Variants in SBK1 observed in about 807,000 individuals in gnomAD.
SBK1 encodes serine/threonine-protein kinase SBK1.
Under a neutral mutation model 24.4 loss-of-function variants are expected in SBK1, and 11 were observed. That is an observed-to-expected ratio of 0.45 (90% CI 0.28 to 0.75). The LOEUF is 0.75. SBK1 is among the 30% of genes least tolerant of loss of function. SBK1 has a pLI of 0.12. For missense variants in SBK1, 467 were observed against 620.5 expected (o/e 0.75, Z 2.63); for synonymous variants, 308 against 284.4 (o/e 1.08, Z -0.83).
chr16:28,261,285 G>A (rs866325280), intron 1 of SBK1, among the ~76,000 whole-genome samples: 6 of 152,178 alleles, frequency 3.9e-5, no homozygotes, highest in East Asian at 3.8e-4. Flanking sequence ...ATGAATGAAC[G>A]AATATGACAT....
intron 1 of SBK1, among the ~76,000 whole-genome samples, chr16:28,272,437 T>TC (rs1303575326): frequency 2.0e-5 from 3 of 151,948 alleles, no homozygotes; most frequent in South Asian, 2.1e-4. Flanking sequence ...GATGAGCTAT[T>TC]CCCCAATTTC....
intron 1 of SBK1, among the ~76,000 whole-genome samples, chr16:28,305,098 G>C (rs561441818): frequency 2.0e-5 from 3 of 152,120 alleles, no homozygotes; most frequent in Admixed American, 2.0e-4. Flanking sequence ...TTACTTCTCT[G>C]TAAGGCAAGG....
chr16:28,281,658 G>T (rs2044533938), intron 1 of SBK1, among the ~76,000 whole-genome samples: 1 of 152,228 alleles, frequency 6.6e-6, no homozygotes, highest in Non-Finnish European at 1.5e-5. Flanking sequence ...GCCTCAGCCT[G>T]TCTGTGTCCC....
At chr16:28,284,519 A>G (rs185677509) in intron 1 of SBK1, among the ~76,000 whole-genome samples, 328 of 152,366 alleles carry the variant, frequency 2.2e-3, no homozygotes, top group South Asian at 0.011. Context: ...CAGCACCCAG[A>G]GCCATCGTGA....
upstream of SBK1, chr16:28,291,037 C>T (rs1322122482): frequency 1.3e-5 from 2 of 152,250 alleles, no homozygotes; most frequent in Non-Finnish European, 2.9e-5. Flanking sequence ...CGACCCCAGT[C>T]GCTCATGTCT....
chr16:28,285,780 T>C (rs1339923996), intron 1 of SBK1: 1 of 152,264 alleles, frequency 6.6e-6, no homozygotes, highest in African/African-American at 2.4e-5. Context: ...TCCCAAAGTG[T>C]TGGCGCGAGC....
chr16:28,316,274 G>A (rs1277677993), intron 1 of SBK1, among the ~76,000 whole-genome samples: 1 of 152,128 alleles, frequency 6.6e-6, no homozygotes, highest in Non-Finnish European at 1.5e-5. Flanking sequence ...ATGGCCCTCA[G>A]ACCTCTTCCC....
chr16:28,263,898 G>C (rs188582856), intron 1 of SBK1, among the ~76,000 whole-genome samples: 1 of 152,230 alleles, frequency 6.6e-6, no homozygotes, highest in East Asian at 1.9e-4. Context: ...ACCAAAACAG[G>C]AGGATTGCCT....
chr16:28,292,379 G>T (rs2044605552), upstream of SBK1: 2 of 227,944 alleles, frequency 8.8e-6, no homozygotes, highest in Non-Finnish European at 1.4e-5. Context: ...CGCGCGGCGG[G>T]AGGGCGGGCG....
intron 1 of SBK1, among the ~76,000 whole-genome samples, chr16:28,294,892 T>G (rs1420511167): frequency 6.6e-6 from 1 of 152,214 alleles, no homozygotes; most frequent in East Asian, 1.9e-4. Flanking sequence ...TGTGGGGGAA[T>G]CAGGTGCCCT....
At chr16:28,316,029 T>C (rs1189739886) in intron 1 of SBK1, among the ~76,000 whole-genome samples, 1 of 152,128 alleles carries the variant, frequency 6.6e-6, no homozygotes, top group Non-Finnish European at 1.5e-5. Flanking sequence ...CCTCCCAAAG[T>C]GCTGGGATTA....
chr16:28,308,597 G>C (rs1436484853), intron 1 of SBK1, among the ~76,000 whole-genome samples: 2 of 148,134 alleles, frequency 1.4e-5, no homozygotes, highest in Non-Finnish European at 3.0e-5. Flanking sequence ...TAATTTTTTT[G>C]TTTCTTTGTA....
chr16:28,293,639 G>A (rs2044618378), intron 1 of SBK1, among the ~76,000 whole-genome samples: 1 of 152,024 alleles, frequency 6.6e-6, no homozygotes, highest in African/African-American at 2.4e-5. Flanking sequence ...GGTCCTTGGA[G>A]TGTGAATACC....
chr16:28,275,055 G>T (rs1280828134), intron 1 of SBK1, among the ~76,000 whole-genome samples: 1 of 152,156 alleles, frequency 6.6e-6, no homozygotes, highest in African/African-American at 2.4e-5. Flanking sequence ...GGCCGGGCGT[G>T]GTGGCTCACG....
At chr16:28,287,759 G>A (rs984367009), upstream of SBK1, among the ~76,000 whole-genome samples, 2 of 152,204 alleles carry the variant, frequency 1.3e-5, no homozygotes, top group Non-Finnish European at 2.9e-5. Flanking sequence ...TGCCTCTCCA[G>A]TTCAAGTGAT....
At chr16:28,283,141 C>T (rs2044543946) in intron 1 of SBK1, among the ~76,000 whole-genome samples, 2 of 152,020 alleles carry the variant, frequency 1.3e-5, no homozygotes, top group African/African-American at 2.4e-5. Flanking sequence ...CCATGTTGGC[C>T]AGGATGGTCT....
chr16:28,264,998 G>A (rs751120565), intron 1 of SBK1, among the ~76,000 whole-genome samples: 2 of 151,814 alleles, frequency 1.3e-5, no homozygotes, highest in African/African-American at 2.4e-5. Context: ...GCTGCCAGGC[G>A]CATTGGAACA....
chr16:28,290,938 T>C (rs2044594673), upstream of SBK1: 1 of 152,228 alleles, frequency 6.6e-6, no homozygotes. Context: ...TTTCTGGATG[T>C]CCTGCTTCTC....
Position 28,317,239 on chromosome 16 carries a change from A to C in SBK1, c.-7-146A>C, listed in dbSNP as rs1312855854. The C allele has an allele frequency of 1.1e-5, 7 of 640,436 alleles. No individual in the cohort carries two copies. The highest frequency in any genetic ancestry group is 3.7e-5 in the African/African-American group (2 of 54,780). 39.7% of individuals were successfully genotyped at this position (640,436 alleles called of 1,614,324 possible). A position where few individuals can be genotyped will look rare whatever the true frequency, so the allele number is the denominator to read the frequency against. On this transcript the variant is annotated intron_variant, in intron 1 of 3. Transcript: ENST00000341901. The surrounding 1 kb of genome is among the most constrained non-coding windows in gnomAD (Gnocchi z 4.2). ...GGCTTTGGGGAAGGCGACGCGACCAAGATGCTTGTCGCCCCCTTGTGGTTA... is the reference window on the plus strand; with the variant it reads ...GGCTTTGGGGAAGGCGACGCGACCACGATGCTTGTCGCCCCCTTGTGGTTA...
Sources: gnomAD v4.1 joint callset for allele counts (sites outside exome capture counted in the v4.1 genomes callset) on GRCh38, gnomAD v4.1.1 for gene constraint, Gnocchi (gnomAD v3.1) non-coding constraint, MANE v1.5 for transcripts, NCBI Gene and HGNC (gene_info 2026-07-23, HGNC 2026-07-21) for gene names.